The following TMCO6 variants were observed in gnomAD, a reference collection of about 807,000 sequenced individuals.
TMCO6 encodes the protein transmembrane and coiled-coil domains 6, also known as transmembrane and coiled-coil domain-containing protein 6.
In TMCO6, 47 loss-of-function variants were observed where a neutral mutation model predicts 61.8. That is an observed-to-expected ratio of 0.76 (90% CI 0.60 to 0.97). The LOEUF is 0.97. TMCO6 is among the 50% of genes least tolerant of loss of function. TMCO6 has a pLI of 0.00. For missense variants in TMCO6, 557 were observed against 601.6 expected (o/e 0.93, Z 0.78); for synonymous variants, 261 against 254.2 (o/e 1.03, Z -0.25).
chr5:140,601,190 T>C, the TMCO6 span, among the ~76,000 whole-genome samples: 50,111 of 152,024 alleles, frequency 0.33, 8,737 homozygotes, highest in African/African-American at 0.42. Flanking sequence ...AGCAGGGGAC[T>C]ACAGTGTATG....
the TMCO6 span, among the ~76,000 whole-genome samples, chr5:140,614,268 G>A: frequency 6.6e-6 from 1 of 152,078 alleles, no homozygotes; most frequent in African/African-American, 2.4e-5. Context: ...CAGCACTTTG[G>A]GAGGTTGAGG....
chr5:140,609,831 C>T, the TMCO6 span, among the ~76,000 whole-genome samples: 1 of 151,846 alleles, frequency 6.6e-6, no homozygotes, highest in Non-Finnish European at 1.5e-5. Flanking sequence ...TATATTTGTT[C>T]CTAAACATTT....
At chr5:140,645,634 C>T (rs201675155), downstream of TMCO6, 57 of 1,614,064 alleles carry the variant, frequency 3.5e-5, no homozygotes, top group Non-Finnish European at 4.7e-5. Context: ...GTTACCTGAT[C>T]AGCACTGAAG....
At chr5:140,612,236 C>T in the TMCO6 span, among the ~76,000 whole-genome samples, 13 of 152,248 alleles carry the variant, frequency 8.5e-5, no homozygotes, top group African/African-American at 2.6e-4. Context: ...GAAGTGGAGC[C>T]CTTGCATCTC....
chr5:140,624,661 C>A, the TMCO6 span, among the ~76,000 whole-genome samples: 3 of 150,474 alleles, frequency 2.0e-5, no homozygotes, highest in Non-Finnish European at 3.0e-5. Flanking sequence ...GTGATTCTTG[C>A]ACCTCAGCCT....
the TMCO6 span, among the ~76,000 whole-genome samples, chr5:140,617,731 CA>C: frequency 0.68 from 81,156 of 118,908 alleles, 24,167 homozygotes; most frequent in East Asian, 0.84. Context: ...GAGTCTCTGT[CA>C]AAAAAAAAAA....
intron 2 of TMCO6, among the ~76,000 whole-genome samples, chr5:140,640,565 A>C (rs1486026423): frequency 6.6e-6 from 1 of 150,930 alleles, no homozygotes; most frequent in Admixed American, 6.6e-5. Context: ...GCCACCACTA[A>C]TTTTTGTATT....
In TMCO6 at chr5:140,643,560, C is replaced by T. The variant is rs1431873379; in HGVS notation, c.807-4C>T. ...CTAGGGACTGCTTGCTTCCTGTTGCCCAGCCAGGTCAGCAATCCTCTGCTC... is the reference window on the plus strand; with the variant it reads ...CTAGGGACTGCTTGCTTCCTGTTGCTCAGCCAGGTCAGCAATCCTCTGCTC... On this transcript the variant is annotated splice_polypyrimidine_tract_variant and splice_region_variant and intron_variant, in intron 7 of 11. Coordinates refer to ENST00000394671, the MANE Select transcript of TMCO6 (RefSeq NM_018502.5). 6.2e-7 allele frequency: 1 copy of T among 1,613,392 alleles called. No homozygotes were observed.
the TMCO6 span, among the ~76,000 whole-genome samples, chr5:140,622,964 C>A: frequency 6.6e-6 from 1 of 152,086 alleles, no homozygotes; most frequent in Non-Finnish European, 1.5e-5. Flanking sequence ...GTGATTCTCC[C>A]AGCTTGGTCT....
chr5:140,645,061 G>C lies in TMCO6; in HGVS notation c.1445G>C (p.Arg482Pro). The stretch of plus-strand genomic sequence containing the variant: ...CAGGAAGAGGCCCAGCTCCAGGATC[G>C]TGTGTATGCTCTCCAGCAGACAGCT... ...RHQEEAQLQD[R>P]VYALQQTALQ... Residue 482 changes from arginine (R) to proline (P), a missense_variant, in exon 12 of 12, where the codon CGT (arginine) becomes CCT (proline). Transcript: ENST00000394671. The C allele has an allele frequency of 6.2e-7, 1 of 1,614,206 alleles. No individual in the cohort carries two copies. Among genetic ancestry groups the C allele is most frequent in the Non-Finnish European group, 8.5e-7 (1 of 1,180,028 alleles).
downstream of TMCO6, chr5:140,647,229 C>T (rs1187170654): frequency 7.2e-6 from 11 of 1,525,834 alleles, no homozygotes; most frequent in Non-Finnish European, 9.7e-6. Context: ...CTACCGGAGC[C>T]CCAGACCCCT....
At chr5:140,618,121 C>T in the TMCO6 span, among the ~76,000 whole-genome samples, 2 of 152,164 alleles carry the variant, frequency 1.3e-5, no homozygotes, top group East Asian at 3.8e-4. Context: ...ATATTGTCAA[C>T]TGATCCTTGA....
chr5:140,644,101 A>G lies in TMCO6; in HGVS notation c.1107A>G (p.Ala369=), dbSNP rs374383062. 82 of 1,614,080 alleles carry G rather than the reference A, an allele frequency of 5.1e-5. No homozygotes were observed. In the African/African-American group the frequency reaches 8.7e-4, roughly 17 times the overall value. The change falls in exon 10 of 12, where the codon GCA becomes GCG. Residue 369 remains alanine (A), a splice_region_variant and synonymous_variant. Transcript: ENST00000394671. ...TTCACCCTGGTACTTCTCTTCCAGC[A>G]AACAGTCCTAGTTTCTGTACCTCCT... ...EGLWLLNNLT[A]NSPSFCTSLL...
At chr5:140,631,949 G>A in the TMCO6 span, 2 of 1,613,142 alleles carry the variant, frequency 1.2e-6, no homozygotes, top group Non-Finnish European at 1.7e-6. Flanking sequence ...CCACGCCGGA[G>A]TTCATTGAGC....
chr5:140,640,084 A>G (rs1257881330), intron 2 of TMCO6, among the ~76,000 whole-genome samples: 1 of 152,156 alleles, frequency 6.6e-6, no homozygotes, highest in Non-Finnish European at 1.5e-5. Context: ...GAGTCTTTAC[A>G]TGCCTCACCA....
At chr5:140,624,611 T>C in the TMCO6 span, among the ~76,000 whole-genome samples, 1 of 152,088 alleles carries the variant, frequency 6.6e-6, no homozygotes, top group Non-Finnish European at 1.5e-5. Flanking sequence ...AGTCTCACTC[T>C]GTGATCTTGG....
chr5:140,644,612 G>C lies in TMCO6; in HGVS notation c.1240G>C (p.Ala414Pro). The C allele has an allele frequency of 6.2e-7, 1 of 1,614,234 alleles. No individual in the cohort carries two copies. Among genetic ancestry groups the C allele is most frequent in the South Asian group, 1.1e-5 (1 of 91,088 alleles). Residue 414 changes from alanine to proline, a missense_variant, in exon 11 of 12, where the codon GCT becomes CCT. Ala to Pro is a conservative substitution (Grantham distance 27). Coordinates refer to ENST00000394671, the MANE Select transcript of TMCO6 (RefSeq NM_018502.5). Reference protein sequence around the residue: ...VLCNVAEKGPAYCQRLWPGPL... With the variant: ...VLCNVAEKGPPYCQRLWPGPL... ...GTGCAATGTTGCAGAAAAGGGTCCTGCTTACTGCCAGCGGCTGTGGCCAGG... is the reference window on the plus strand; with the variant it reads ...GTGCAATGTTGCAGAAAAGGGTCCTCCTTACTGCCAGCGGCTGTGGCCAGG...
chr5:140,606,276 G>C, the TMCO6 span, among the ~76,000 whole-genome samples: 167 of 151,094 alleles, frequency 1.1e-3, no homozygotes, highest in Middle Eastern at 0.01. Context: ...AGCCTCCCAA[G>C]TAGTTAGGAC....
chr5:140,639,961 G>A, intron 2 of TMCO6, 110 bp downstream of exon 2: 1 of 863,682 alleles, frequency 1.2e-6, no homozygotes, highest in Non-Finnish European at 1.9e-6. Flanking sequence ...ACACTTCCAC[G>A]CATCCAGTGG....
Sources: allele counts gnomAD v4.1 joint callset (sites outside exome capture counted in the v4.1 genomes callset), GRCh38; gene constraint gnomAD v4.1.1; transcripts MANE v1.5; gene names NCBI Gene and HGNC (gene_info 2026-07-23, HGNC 2026-07-21).